The following FGF13 variants were observed in gnomAD, a reference collection of about 807,000 sequenced individuals.
FGF13 encodes fibroblast growth factor 13, also known as fibroblast growth factor homologous factor 2.
A neutral mutation model predicts 19.5 loss-of-function variants in FGF13; 2 were observed. The observed-to-expected ratio is 0.10, with a 90% confidence interval of 0.04 to 0.32. The LOEUF is 0.32. Among genes scored for constraint, FGF13 ranks in the 10% least tolerant of loss-of-function variants. The pLI, the probability that FGF13 is intolerant of heterozygous loss-of-function variation, is 1.00. For missense variants in FGF13, 113 were observed against 192.7 expected, an observed-to-expected ratio of 0.59 and a Z score of 2.45; for synonymous variants, 72 against 76.9, an observed-to-expected ratio of 0.94 and a Z score of 0.33.
chrX:138,944,906 T>C (rs1490425415), intron 1 of FGF13, among the ~76,000 whole-genome samples: 1 of 111,405 alleles, frequency 9.0e-6, no homozygotes, highest in Non-Finnish European at 1.9e-5. Flanking sequence ...AAGCTACCCA[T>C]CCTTCCTTCC....
intron 1 of FGF13, among the ~76,000 whole-genome samples, chrX:139,130,207 A>G (rs896883214): frequency 6.2e-5 from 7 of 112,098 alleles, no homozygotes; most frequent in African/African-American, 2.3e-4. Flanking sequence ...TAGTGACACT[A>G]TATATTAACT....
At chrX:138,649,773 T>G (rs2089348553) in intron 3 of FGF13, among the ~76,000 whole-genome samples, 2 of 112,397 alleles carry the variant, frequency 1.8e-5, no homozygotes, top group South Asian at 7.3e-4. Flanking sequence ...AAGTTCTGGT[T>G]CCAGAAAGAA....
chrX:139,052,181 CCACA>C (rs72408772), intron 1 of FGF13, among the ~76,000 whole-genome samples: 14 of 107,935 alleles, frequency 1.3e-4, no homozygotes, highest in African/African-American at 4.4e-4. Flanking sequence ...TGTTTTCACA[CCACA>C]CACACACACA....
chrX:138,690,175 A>G (rs1194444321), intron 3 of FGF13, among the ~76,000 whole-genome samples: 1 of 111,813 alleles, frequency 8.9e-6, no homozygotes, highest in African/African-American at 3.2e-5. Flanking sequence ...GGGGATCTCA[A>G]AGAAGGAGGA....
intron 3 of FGF13, among the ~76,000 whole-genome samples, chrX:138,663,902 T>C (rs185654815): frequency 1.1e-3 from 120 of 111,795 alleles, no homozygotes; most frequent in African/African-American, 3.3e-3. Flanking sequence ...CAGCTGAAAC[T>C]TTAGTTTTTC....
intron 1 of FGF13, among the ~76,000 whole-genome samples, chrX:139,057,218 A>C (rs1437153030): frequency 9.0e-6 from 1 of 111,471 alleles, no homozygotes; most frequent in Non-Finnish European, 1.9e-5. Context: ...GCTCCAATTA[A>C]ATCCCTGGAT....
chrX:138,903,386 G>T (rs1227527817), intron 1 of FGF13, among the ~76,000 whole-genome samples: 1 of 111,506 alleles, frequency 9.0e-6, no homozygotes. Context: ...TGCAGGTCAG[G>T]CTGAGAATGA....
At chrX:139,034,023 C>T (rs892251272) in intron 1 of FGF13, among the ~76,000 whole-genome samples, 6 of 111,610 alleles carry the variant, frequency 5.4e-5, no homozygotes, top group African/African-American at 2.0e-4. Context: ...ATGATTATGG[C>T]GTCCTTCTCT....
intron 1 of FGF13, among the ~76,000 whole-genome samples, chrX:139,090,967 CTG>C (rs1353506229): frequency 1.1e-5 from 1 of 91,157 alleles, no homozygotes; most frequent in Non-Finnish European, 2.1e-5. Flanking sequence ...AAAAAAAAGA[CTG>C]TGTACAGTGT....
chrX:138,790,631 T>A (rs1602858159), intron 3 of FGF13, among the ~76,000 whole-genome samples: 1 of 112,182 alleles, frequency 8.9e-6, no homozygotes, highest in Non-Finnish European at 1.9e-5. Flanking sequence ...TTCTCATCCT[T>A]ATGCCTTTGG....
intron 1 of FGF13, among the ~76,000 whole-genome samples, chrX:139,062,103 T>C (rs944955010): frequency 1.8e-5 from 2 of 111,805 alleles, no homozygotes; most frequent in Non-Finnish European, 3.8e-5. Context: ...TTTTGCTGTC[T>C]GTTCTTTTTT....
chrX:138,664,721 T>C (rs1233888218), intron 3 of FGF13, among the ~76,000 whole-genome samples: 1 of 111,287 alleles, frequency 9.0e-6, no homozygotes, highest in Non-Finnish European at 1.9e-5. Context: ...TATTTCTTTT[T>C]AAAAGAAGCA....
At chrX:139,062,153 G>A (rs1316326852) in intron 1 of FGF13, among the ~76,000 whole-genome samples, 1 of 110,831 alleles carries the variant, frequency 9.0e-6, no homozygotes, top group East Asian at 2.8e-4. Flanking sequence ...CCAATGTCAC[G>A]GAGCTTTCCC....
At chrX:138,775,302 T>C (rs2090579780) in intron 3 of FGF13, among the ~76,000 whole-genome samples, 1 of 112,150 alleles carries the variant, frequency 8.9e-6, no homozygotes, top group African/African-American at 3.2e-5. Flanking sequence ...AGCACATTGA[T>C]AATCAGGAAG....
intron 1 of FGF13, among the ~76,000 whole-genome samples, chrX:138,962,187 T>C (rs1446123399): frequency 4.5e-5 from 5 of 112,163 alleles, no homozygotes; most frequent in African/African-American, 1.3e-4. Flanking sequence ...GGGCGAAGGA[T>C]ATGAACAGAC....
At chrX:139,147,441 G>A (rs2083900039) in intron 1 of FGF13, among the ~76,000 whole-genome samples, 1 of 111,684 alleles carries the variant, frequency 9.0e-6, no homozygotes, top group Non-Finnish European at 1.9e-5. Flanking sequence ...TGTGCTGCAA[G>A]GGAAGCAGGA....
At chrX:139,109,202 T>C (rs1292975899) in intron 1 of FGF13, among the ~76,000 whole-genome samples, 1 of 111,965 alleles carries the variant, frequency 8.9e-6, no homozygotes, top group Non-Finnish European at 1.9e-5. Context: ...CAATAAAGTT[T>C]TCTACTTTGT....
At chrX:138,871,325 T>C (rs1453227477) in intron 1 of FGF13, among the ~76,000 whole-genome samples, 2 of 112,171 alleles carry the variant, frequency 1.8e-5, no homozygotes, top group East Asian at 5.6e-4. Context: ...ATTGGAAATC[T>C]ACTGTATGCC....
intron 1 of FGF13, among the ~76,000 whole-genome samples, chrX:138,898,710 A>G (rs2091516354): frequency 9.0e-6 from 1 of 111,495 alleles, no homozygotes; most frequent in African/African-American, 3.3e-5. Flanking sequence ...TGAGAGGGAG[A>G]GGATAAAAAA....
Sources: gnomAD v4.1 joint callset for allele counts (sites outside exome capture counted in the v4.1 genomes callset) on GRCh38, gnomAD v4.1.1 for gene constraint, MANE v1.5 for transcripts, NCBI Gene and HGNC (gene_info 2026-07-23, HGNC 2026-07-21) for gene names.